Variants in MAF observed in about 807,000 individuals in gnomAD.
MAF encodes the protein MAF bZIP transcription factor.
In MAF, 10 loss-of-function variants were observed where a neutral mutation model predicts 22.0. The observed-to-expected ratio is 0.45, with a 90% CI of 0.28 to 0.77. The LOEUF (loss-of-function observed/expected upper bound fraction) is 0.77. MAF is among the 30% of genes least tolerant of loss of function. The pLI is 0.12. For synonymous variants in MAF, 337 were observed against 255.8 expected, an observed-to-expected ratio of 1.32 and a Z score of -3.03; for missense variants, 544 against 548.4, an observed-to-expected ratio of 0.99 and a Z score of 0.08.
chr16:79,488,194 C>G, the MAF span, among the ~76,000 whole-genome samples: 3 of 152,188 alleles, frequency 2.0e-5, no homozygotes, highest in Non-Finnish European at 4.4e-5. Context: ...TGGGTTCTGT[C>G]TTGTGCCAGC....
the MAF span, chr16:79,211,858 C>G: frequency 1.9e-6 from 3 of 1,603,872 alleles, no homozygotes; most frequent in East Asian, 2.2e-5. Context: ...ACGCAAGTGC[C>G]AGGGCTGGGC....
the MAF span, among the ~76,000 whole-genome samples, chr16:79,521,926 A>C: frequency 6.6e-6 from 1 of 152,230 alleles, no homozygotes; most frequent in Non-Finnish European, 1.5e-5. Context: ...TGGGGAAATA[A>C]AGATAAATAA....
the MAF span, among the ~76,000 whole-genome samples, chr16:79,406,069 C>T: frequency 9.9e-5 from 15 of 152,234 alleles, no homozygotes; most frequent in Non-Finnish European, 1.9e-4. Context: ...ACTCCCTCAC[C>T]TCTGAGGCTC....
the MAF span, among the ~76,000 whole-genome samples, chr16:79,232,714 G>C: frequency 6.6e-6 from 1 of 152,054 alleles, no homozygotes; most frequent in Admixed American, 6.6e-5. Context: ...TATGATCTGT[G>C]CAGCTGAGCC....
chr16:79,475,530 A>G, the MAF span, among the ~76,000 whole-genome samples: 275 of 152,216 alleles, frequency 1.8e-3, 4 homozygotes, highest in African/African-American at 6.2e-3. Context: ...CTATCGATCT[A>G]TCTATCCATC....
chr16:79,544,676 A>C, the MAF span, among the ~76,000 whole-genome samples: 22 of 150,902 alleles, frequency 1.5e-4, no homozygotes, highest in Non-Finnish European at 2.5e-4. Flanking sequence ...CGGGAGGCTG[A>C]GCAGGAGAAT....
the MAF span, among the ~76,000 whole-genome samples, chr16:79,554,794 GT>G: frequency 1.3e-5 from 2 of 152,170 alleles, no homozygotes; most frequent in Non-Finnish European, 2.9e-5. Flanking sequence ...GGCATCACGT[GT>G]GACCCCTCAG....
chr16:79,485,420 T>C, the MAF span, among the ~76,000 whole-genome samples: 22 of 152,214 alleles, frequency 1.4e-4, no homozygotes, highest in Admixed American at 1.4e-3. Flanking sequence ...TTTATTTATT[T>C]ATTTTTTACA....
the MAF span, among the ~76,000 whole-genome samples, chr16:79,462,448 G>C: frequency 6.6e-6 from 1 of 151,814 alleles, no homozygotes; most frequent in Non-Finnish European, 1.5e-5. Flanking sequence ...CCATTGCTCT[G>C]AGTTTAATGT....
the MAF span, among the ~76,000 whole-genome samples, chr16:79,219,080 A>G: frequency 6.6e-6 from 1 of 152,244 alleles, no homozygotes. Context: ...TCTGTTTACA[A>G]GGCCATGCCC....
chr16:79,412,152 G>A, the MAF span, among the ~76,000 whole-genome samples: 1 of 152,180 alleles, frequency 6.6e-6, no homozygotes, highest in Non-Finnish European at 1.5e-5. Context: ...GCCTGTGACT[G>A]GGGGTAATTT....
At chr16:79,347,258 G>C in the MAF span, among the ~76,000 whole-genome samples, 13 of 152,348 alleles carry the variant, frequency 8.5e-5, no homozygotes, top group South Asian at 2.7e-3. Context: ...GCAGATGTGA[G>C]AGTGAGAGGT....
chr16:79,211,710 G>C, the MAF span: 1 of 1,614,244 alleles, frequency 6.2e-7, no homozygotes. Context: ...GCCCTCACCA[G>C]AAGCTCAGAG....
At chr16:79,357,846 C>G in the MAF span, among the ~76,000 whole-genome samples, 1 of 152,208 alleles carries the variant, frequency 6.6e-6, no homozygotes, top group Admixed American at 6.5e-5. Context: ...GTTTCATGTA[C>G]AGAAGCATAG....
At chr16:79,352,112 G>C in the MAF span, among the ~76,000 whole-genome samples, 129 of 152,234 alleles carry the variant, frequency 8.5e-4, no homozygotes, top group African/African-American at 2.8e-3. Context: ...ACCTGCTTGA[G>C]GGACCTGGGA....
chr16:79,419,677 G>A, the MAF span, among the ~76,000 whole-genome samples: 3 of 152,176 alleles, frequency 2.0e-5, no homozygotes, highest in African/African-American at 7.2e-5. Flanking sequence ...ATTTTCTGGA[G>A]CCGGGGAGAT....
the MAF span, among the ~76,000 whole-genome samples, chr16:79,401,493 T>G: frequency 2.6e-5 from 4 of 152,122 alleles, no homozygotes; most frequent in African/African-American, 9.7e-5. Flanking sequence ...AGAATACACT[T>G]CATATATTTT....
At chr16:79,412,544 T>A in the MAF span, among the ~76,000 whole-genome samples, 7 of 152,192 alleles carry the variant, frequency 4.6e-5, no homozygotes, top group African/African-American at 1.2e-4. Flanking sequence ...GTCCTGTGTA[T>A]TGCAGGATAT....
At chr16:79,303,982 C>G in the MAF span, among the ~76,000 whole-genome samples, 2 of 152,154 alleles carry the variant, frequency 1.3e-5, no homozygotes, top group African/African-American at 4.8e-5. Flanking sequence ...ATGCCTGGCT[C>G]CAAGAGTGTT....
Sources: allele counts gnomAD v4.1 joint callset (sites outside exome capture counted in the v4.1 genomes callset), GRCh38; gene constraint gnomAD v4.1.1; transcripts MANE v1.5; gene names NCBI Gene and HGNC (gene_info 2026-07-23, HGNC 2026-07-21).